Variants in GGCT observed in about 807,000 individuals in gnomAD.
The protein encoded by GGCT is gamma-glutamylcyclotransferase, also known as cytochrome c-releasing factor 21.
Under a neutral mutation model 22.1 loss-of-function variants are expected in GGCT, and 20 were observed. That is an observed-to-expected ratio of 0.91 (90% CI 0.64 to 1.32). GGCT has a LOEUF of 1.32. Among genes scored for constraint, GGCT ranks in the 40% most tolerant of loss-of-function variants. The pLI is 0.00. For synonymous variants in GGCT, 72 were observed against 78.4 expected, an observed-to-expected ratio of 0.92 and a Z score of 0.43; for missense variants, 209 against 223.5, an observed-to-expected ratio of 0.94 and a Z score of 0.41.
In GGCT at chr7:30,497,124, T is replaced by A. The variant is rs376627657; in HGVS notation, c.535A>T (p.Ile179Phe). ...TGKVSEEIED[I>F]IKKGETQTL is the part of the protein sequence containing the mutation. The stretch of plus-strand genomic sequence containing the variant: ...GTTTGTGTTTCCCCCTTTTTGATGA[T>A]GTCTTCAATTTCTTCTGAGACCTTT... Residue 179 changes from isoleucine (I) to phenylalanine (F), a missense_variant, in exon 4 of 4, where the codon ATC (isoleucine) becomes TTC (phenylalanine). Ile to Phe is a conservative substitution (Grantham distance 21). Transcript: ENST00000275428. 6.2e-7 allele frequency: 1 copy of A among 1,604,256 alleles called. No homozygotes were observed. Among genetic ancestry groups the A allele is most frequent in the Non-Finnish European group, 8.5e-7 (1 of 1,172,426 alleles).
At chr7:30,498,027 A>ATATATATATATG in intron 3 of GGCT, 1 of 216,574 alleles carries the variant, frequency 4.6e-6, no homozygotes, top group Non-Finnish European at 9.1e-6. Context: ...ATATATAGAT[A>ATATATATATATG]CACACACACA....
intron 3 of GGCT, 57 bp from the exon 4 acceptor site, chr7:30,497,292 A>G: frequency 7.6e-7 from 1 of 1,310,704 alleles, no homozygotes; most frequent in East Asian, 2.3e-5. Flanking sequence ...AATATAATTT[A>G]ACGTACCATA....
rs1789550420 is a variant in GGCT at position 30,496,945 on chromosome 7, A to C, written c.*147T>G. 8.0e-6 allele frequency: 4 copies of C among 502,156 alleles called. No individual in the cohort carries two copies. Among genetic ancestry groups the C allele is most frequent in the Non-Finnish European group, 1.4e-5 (4 of 292,758 alleles). The allele number at this position is 502,156 out of a possible 1,614,324, so 31.1% of individuals were successfully genotyped here. On this transcript the variant is annotated 3_prime_UTR_variant, in exon 4 of 4. Coordinates refer to ENST00000275428, the MANE Select transcript of GGCT (RefSeq NM_024051.4). ...TATCCCAGTTTCTTTTTATAGTCTA[A>C]AAACAAGGAATCACCCAAGTAAGAT... is the stretch of plus-strand genomic sequence containing the variant.
Position 30,497,037 on chromosome 7 carries a change from T to G in GGCT, c.*55A>C. The G allele has an allele frequency of 8.2e-7, 1 of 1,212,612 alleles. No homozygotes were observed. Among genetic ancestry groups the G allele is most frequent in the African/African-American group, 1.6e-5 (1 of 64,500 alleles). 75.1% of individuals were successfully genotyped at this position (1,212,612 alleles called of 1,614,324 possible). A position where few individuals can be genotyped will look rare whatever the true frequency, so the allele number is the denominator to read the frequency against. On this transcript the variant is annotated 3_prime_UTR_variant, in exon 4 of 4. Transcript: ENST00000275428. ...TCCCCCAGATCCCTGTTCTCAAGTGTTAAAAATATTTTATATTAGCACATA... is the reference window on the plus strand; with the variant it reads ...TCCCCCAGATCCCTGTTCTCAAGTGGTAAAAATATTTTATATTAGCACATA...
chr7:30,497,825 C>T, intron 3 of GGCT: 2 of 1,455,692 alleles, frequency 1.4e-6, no homozygotes, highest in Non-Finnish European at 1.8e-6. Context: ...GTCTCTATCC[C>T]ACATTCTTGT....
chr7:30,500,808 C>T lies in GGCT; in HGVS notation c.142-127G>A. The T allele has an allele frequency of 4.7e-6, 3 of 636,902 alleles. No individual in the cohort carries two copies. The East Asian group carries it at 8.3e-5, about 18-fold the overall frequency. The allele number at this position is 636,902 out of a possible 1,614,324, so 39.5% of individuals were successfully genotyped here. On this transcript the variant is annotated intron_variant, in intron 1 of 3. Coordinates refer to ENST00000275428, the MANE Select transcript of GGCT (RefSeq NM_024051.4). ...GTCAATAAACTGAGTTCCTTCTATG[C>T]ATAAGAAGCTGTGGAAAATATAAAG...
At position 30,496,877 on chromosome 7, in the gene GGCT, A is replaced by G. The variant is rs1478536701; in HGVS notation, c.*215T>C. ...AGGGGTACTCACATTCATTTGTCACATATTTCAGGCCCTCATACACCCCTT... is the reference window on the plus strand; with the variant it reads ...AGGGGTACTCACATTCATTTGTCACGTATTTCAGGCCCTCATACACCCCTT... On this transcript the variant is annotated 3_prime_UTR_variant, in exon 4 of 4. Transcript: ENST00000275428. 3 of 350,184 alleles carry G rather than the reference A, an allele frequency of 8.6e-6. No individual in the cohort carries two copies. The highest frequency in any genetic ancestry group is 2.1e-5 in the African/African-American group (1 of 47,096). The allele number at this position is 350,184 out of a possible 1,614,324, so 21.7% of individuals were successfully genotyped here. A position where few individuals can be genotyped will look rare whatever the true frequency, so the allele number is the denominator to read the frequency against.
chr7:30,502,843 C>A (rs908565946), intron 1 of GGCT, among the ~76,000 whole-genome samples: 3 of 152,214 alleles, frequency 2.0e-5, no homozygotes, highest in Non-Finnish European at 4.4e-5. Flanking sequence ...TCTCCACATT[C>A]ACTCTTCCCT....
At chr7:30,500,743 A>C in intron 1 of GGCT, 62 bp from the exon 2 acceptor site, 1 of 1,404,234 alleles carries the variant, frequency 7.1e-7, no homozygotes, top group Non-Finnish European at 1.0e-6. Context: ...CCCTCATCAA[A>C]ATAAAAAGGA....
chr7:30,501,513 G>A (rs1187059436), intron 1 of GGCT, among the ~76,000 whole-genome samples: 1 of 152,144 alleles, frequency 6.6e-6, no homozygotes, highest in Admixed American at 6.5e-5. Flanking sequence ...CTAAGGTCTT[G>A]GAACTAATAA....
At chr7:30,497,901 G>GGA (rs1291135133) in intron 3 of GGCT, 1 of 1,387,778 alleles carries the variant, frequency 7.2e-7, no homozygotes, top group Admixed American at 2.6e-5. Context: ...CTCCACCTAG[G>GGA]GATGAAAAAC....
chr7:30,504,801 C>T lies in GGCT; in HGVS notation c.-92G>A. The T allele has an allele frequency of 3.8e-6, 5 of 1,328,940 alleles. No individual in the cohort carries two copies. Among genetic ancestry groups the T allele is most frequent in the Non-Finnish European group, 5.3e-6 (5 of 935,540 alleles). The allele number at this position is 1,328,940 out of a possible 1,614,324, so 82.3% of individuals were successfully genotyped here. On this transcript the variant is annotated 5_prime_UTR_variant, in exon 1 of 4. Coordinates refer to ENST00000275428, the MANE Select transcript of GGCT (RefSeq NM_024051.4). ...GGGGCCCACTACCCCGGCGCAGTGA[C>T]CGCCGCGCGGCAGCCTCAGGGTTAG...
Position 30,504,717 on chromosome 7 carries a change from T to C in GGCT, c.-8A>G. 1 of 1,613,804 alleles carries C rather than the reference T, an allele frequency of 6.2e-7. No homozygotes were observed. The highest frequency in any genetic ancestry group is 1.3e-5 in the African/African-American group (1 of 75,052). ...GCAGCCCGAGTTGGCCATATCCCAC[T>C]ACGCCCCTGCACTGGAGCCTGAAGC... On this transcript the variant is annotated 5_prime_UTR_variant, in exon 1 of 4. Transcript: ENST00000275428.
intron 1 of GGCT, among the ~76,000 whole-genome samples, chr7:30,503,645 C>T (rs1175754210): frequency 6.6e-6 from 1 of 152,074 alleles, no homozygotes; most frequent in Non-Finnish European, 1.5e-5. Context: ...GAAGAGGCTC[C>T]GTGGGCTGGT....
intron 3 of GGCT, 66 bp downstream of exon 3, chr7:30,498,737 A>G: frequency 7.1e-7 from 1 of 1,412,630 alleles, no homozygotes; most frequent in South Asian, 1.3e-5. Flanking sequence ...TTTAAAAACA[A>G]TATATTCTTT....
At chr7:30,499,692 A>T (rs1355853774) in intron 2 of GGCT, among the ~76,000 whole-genome samples, 3 of 152,110 alleles carry the variant, frequency 2.0e-5, no homozygotes, top group Non-Finnish European at 4.4e-5. Flanking sequence ...AGCCTGGGCA[A>T]CAAGAGCGAG....
chr7:30,502,165 C>T (rs1157512048), intron 1 of GGCT, among the ~76,000 whole-genome samples: 1 of 152,156 alleles, frequency 6.6e-6, no homozygotes, highest in African/African-American at 2.4e-5. Context: ...CATGGGTGTC[C>T]AACCCTTTGG....
chr7:30,497,308 G>T, intron 3 of GGCT, 73 bp from the exon 4 acceptor site: 2 of 1,073,132 alleles, frequency 1.9e-6, no homozygotes, highest in Non-Finnish European at 1.3e-6. Flanking sequence ...CCATACCACA[G>T]CTTTATTTGC....
Position 30,504,676 on chromosome 7 carries a change from G to C in GGCT, c.34C>G (p.Pro12Ala). 1 of 1,614,038 alleles carries C rather than the reference G, an allele frequency of 6.2e-7. No individual in the cohort carries two copies. The highest frequency in any genetic ancestry group is 8.5e-7 in the Non-Finnish European group (1 of 1,179,930). Residue 12 changes from proline (P) to alanine (A), a missense_variant, in exon 1 of 4, where the codon CCA becomes GCA. Physicochemically the swap from Pro to Ala is conservative, Grantham distance 27. Coordinates refer to ENST00000275428, the MANE Select transcript of GGCT (RefSeq NM_024051.4). ...AAGTACAGAAAACTCTCCTCATCTGGACCCGTGACGTCCTTGCAGCCCGAG... is the reference window on the plus strand; with the variant it reads ...AAGTACAGAAAACTCTCCTCATCTGCACCCGTGACGTCCTTGCAGCCCGAG... The part of the protein sequence containing the change: ...ANSGCKDVTG[P>A]DEESFLYFAY...
Sources: gnomAD v4.1 joint callset for allele counts (sites outside exome capture counted in the v4.1 genomes callset) on GRCh38, gnomAD v4.1.1 for gene constraint, MANE v1.5 for transcripts, NCBI Gene and HGNC (gene_info 2026-07-23, HGNC 2026-07-21) for gene names.